HSD17B7: variants seen among roughly 807,000 people sequenced by gnomAD.
HSD17B7 encodes 3-keto-steroid reductase/17-beta-hydroxysteroid dehydrogenase 7.
HSD17B7 carries 17 observed loss-of-function variants against 34.1 expected under a neutral mutation model. The ratio of observed to expected loss-of-function variants is 0.50; its 90% CI spans 0.34 to 0.75. The LOEUF (loss-of-function observed/expected upper bound fraction) is 0.75. Among genes scored for constraint, HSD17B7 ranks in the 30% least tolerant of loss-of-function variants. The pLI, the probability that HSD17B7 is intolerant of heterozygous loss-of-function variation, is 0.01. For synonymous variants in HSD17B7, 122 were observed against 154.6 expected (o/e 0.79, Z 1.56); for missense variants, 296 against 406.6 (o/e 0.73, Z 2.34).
At chr1:162,809,884 C>A (rs1649117611) in intron 8 of HSD17B7, among the ~76,000 whole-genome samples, 3 of 151,786 alleles carry the variant, frequency 2.0e-5, no homozygotes, top group South Asian at 2.1e-4. Flanking sequence ...TTTTGTTGAT[C>A]TTTTCAAAAA....
intron 8 of HSD17B7, among the ~76,000 whole-genome samples, chr1:162,806,606 G>A (rs558472834): frequency 6.6e-6 from 1 of 152,318 alleles, no homozygotes; most frequent in African/African-American, 2.4e-5. Context: ...GCTGTTTTCA[G>A]TACTTCACCA....
intron 4 of HSD17B7, chr1:162,798,833 CA>C: frequency 4.1e-6 from 1 of 246,232 alleles, no homozygotes; most frequent in Non-Finnish European, 8.5e-6. Flanking sequence ...CCATCTCTAT[CA>C]AAAAACAAAA....
intron 8 of HSD17B7, among the ~76,000 whole-genome samples, chr1:162,806,978 A>T (rs995013005): frequency 1.1e-4 from 16 of 152,160 alleles, no homozygotes; most frequent in East Asian, 1.9e-4. Context: ...TCTTTTTTTT[A>T]AAATTATTAT....
chr1:162,808,723 T>C (rs1436521505), intron 8 of HSD17B7, among the ~76,000 whole-genome samples: 1 of 152,242 alleles, frequency 6.6e-6, no homozygotes, highest in African/African-American at 2.4e-5. Context: ...TTATTCTCTT[T>C]GAAGCAATTG....
chr1:162,804,575 A>G (rs549925736), intron 7 of HSD17B7, among the ~76,000 whole-genome samples: 1,819 of 152,146 alleles, frequency 0.012, 28 homozygotes, highest in African/African-American at 0.042. Context: ...TAGAGGCAAG[A>G]TACACCAGCA....
intron 1 of HSD17B7, among the ~76,000 whole-genome samples, chr1:162,791,160 G>A (rs576168596): frequency 2.6e-5 from 4 of 152,194 alleles, no homozygotes; most frequent in Non-Finnish European, 5.9e-5. Flanking sequence ...CGTATTTATC[G>A]TCAGTGCCCA....
intron 3 of HSD17B7, chr1:162,797,499 G>A (rs950185301): frequency 4.0e-6 from 1 of 251,488 alleles, no homozygotes; most frequent in African/African-American, 2.2e-5. Context: ...CAGTTTACCT[G>A]TAACCTGATT....
At chr1:162,808,924 T>A (rs1175249015) in intron 8 of HSD17B7, among the ~76,000 whole-genome samples, 2 of 152,174 alleles carry the variant, frequency 1.3e-5, no homozygotes, top group East Asian at 1.9e-4. Flanking sequence ...ACAGGGACAA[T>A]TTGACTTCCT....
chr1:162,797,841 G>A lies in HSD17B7; in HGVS notation c.372G>A (p.Leu124=), dbSNP rs1571000621. The change falls in exon 4 of 9, where the codon CTG becomes CTA. Residue 124 remains leucine, a synonymous_variant. Coordinates refer to ENST00000254521, the MANE Select transcript of HSD17B7 (RefSeq NM_016371.4). ...TGTTCTCCACAGCTGAAGGCCTGCT[G>A]ACCCAGGGTGATAAGATCACTGCTG... ...IHMFSTAEGL[L]TQGDKITADG... 1 of 1,613,784 alleles carries A rather than the reference G, an allele frequency of 6.2e-7. No homozygotes were observed. Among genetic ancestry groups the A allele is most frequent in the Non-Finnish European group, 8.5e-7 (1 of 1,179,792 alleles).
intron 8 of HSD17B7, among the ~76,000 whole-genome samples, chr1:162,808,060 A>G (rs370462014): frequency 2.0e-5 from 3 of 152,004 alleles, no homozygotes; most frequent in African/African-American, 4.8e-5. Flanking sequence ...TGTCCTGAAT[A>G]GTATTGCCTA....
At chr1:162,803,939 C>T (rs897405603) in intron 6 of HSD17B7, among the ~76,000 whole-genome samples, 5 of 152,310 alleles carry the variant, frequency 3.3e-5, no homozygotes, top group South Asian at 2.1e-4. Context: ...GTGATTTGAA[C>T]GTCTTGCAGG....
At chr1:162,808,759 GCT>G (rs1571010350) in intron 8 of HSD17B7, among the ~76,000 whole-genome samples, 1 of 151,724 alleles carries the variant, frequency 6.6e-6, no homozygotes, top group Non-Finnish European at 1.5e-5. Context: ...TCATGATTTG[GCT>G]CTCTGTTTGT....
intron 8 of HSD17B7, among the ~76,000 whole-genome samples, chr1:162,805,931 G>T (rs2805056): frequency 0.11 from 17,194 of 152,152 alleles, 1,598 homozygotes; most frequent in African/African-American, 0.25. Context: ...CAGTAAATAC[G>T]TTGCAAGTTG....
chr1:162,812,506 C>T lies in HSD17B7; in HGVS notation c.*86C>T. The T allele has an allele frequency of 1.6e-6, 2 of 1,240,388 alleles. No individual in the cohort carries two copies. The highest frequency in any genetic ancestry group is 2.1e-4 in the Middle Eastern group (1 of 4,832). 76.8% of individuals were successfully genotyped at this position (1,240,388 alleles called of 1,614,324 possible). ...CCTGAGAAACATAGTGAGCCCTTGT[C>T]TCTACAAAAAGAAATAAAAATAATA... On this transcript the variant is annotated 3_prime_UTR_variant, in exon 9 of 9. Transcript: ENST00000254521.
intron 2 of HSD17B7, chr1:162,795,475 A>T: frequency 2.9e-6 from 1 of 345,378 alleles, no homozygotes; most frequent in South Asian, 2.3e-5. Flanking sequence ...TTCATAGATA[A>T]AAGTTGGCAA....
In HSD17B7 at chr1:162,805,346, T is replaced by C. The variant is rs757442259; in HGVS notation, c.805-48T>C. On this transcript the variant is annotated intron_variant, in intron 7 of 8. Transcript: ENST00000254521. Reference sequence around the variant, plus strand: ...GATTGTGAATCTCCACCAGCCTCACTCATCTTGGGCAGAAGAAACAAATCA... The same window carrying C: ...GATTGTGAATCTCCACCAGCCTCACCCATCTTGGGCAGAAGAAACAAATCA... The C allele has an allele frequency of 1.1e-4, 183 of 1,601,802 alleles. 2 individuals are homozygous for C. The South Asian group carries it at 1.7e-3, about 15-fold the overall frequency.
rs1648753634 is a variant in HSD17B7 at position 162,800,000 on chromosome 1, ATTTCCTAATAAGGTAGCTGGC to A, written c.642+69_642+89del. 2.2e-6 allele frequency: 3 copies of A among 1,366,930 alleles called. No individual in the cohort carries two copies. The African/African-American group carries it at 4.3e-5, about 20-fold the overall frequency. The allele number at this position is 1,366,930 out of a possible 1,614,324, so 84.7% of individuals were successfully genotyped here. A position where few individuals can be genotyped will look rare whatever the true frequency, so the allele number is the denominator to read the frequency against. On this transcript the variant is annotated intron_variant, in intron 5 of 8. Transcript: ENST00000254521. ...GGGTTCTCTTAATTACCTGCTGTTG[ATTTCCTAATAAGGTAGCTGGC>A]TTTCCACTAACTCTTATAGTTTAGA...
intron 3 of HSD17B7, 198 bp from the exon 4 acceptor site, chr1:162,797,604 A>G: frequency 1.7e-6 from 1 of 583,086 alleles, no homozygotes; most frequent in Non-Finnish European, 2.9e-6. Context: ...ATTTCTGTGA[A>G]TTAGTGGGGG....
chr1:162,806,173 T>A (rs1648975738), intron 8 of HSD17B7, among the ~76,000 whole-genome samples: 1 of 152,170 alleles, frequency 6.6e-6, no homozygotes, highest in South Asian at 2.1e-4. Flanking sequence ...AGAGAACTAC[T>A]TTGTTGTACT....
Sources: gnomAD v4.1 joint callset for allele counts (sites outside exome capture counted in the v4.1 genomes callset) on GRCh38, gnomAD v4.1.1 for gene constraint, MANE v1.5 for transcripts, NCBI Gene and HGNC (gene_info 2026-07-23, HGNC 2026-07-21) for gene names.